The following TOR1AIP2 variants were observed in gnomAD, a reference collection of about 807,000 sequenced individuals.
TOR1AIP2 encodes the protein torsin-1A-interacting protein 2.
Under a neutral mutation model 32.6 loss-of-function variants are expected in TOR1AIP2, and 20 were observed. The observed-to-expected ratio is 0.61, with a 90% CI of 0.43 to 0.89. The LOEUF (loss-of-function observed/expected upper bound fraction) is 0.89, where lower values mean the gene tolerates loss of function less well. TOR1AIP2 is among the 40% of genes least tolerant of loss of function. The probability of loss-of-function intolerance (pLI) is 0.00; values close to 1 mark genes in which losing one functional copy is unlikely to be tolerated. For synonymous variants in TOR1AIP2, 214 were observed against 210.8 expected, an observed-to-expected ratio of 1.02 and a Z score of -0.13; for missense variants, 456 against 553.8, an observed-to-expected ratio of 0.82 and a Z score of 1.77.
Position 179,846,880 on chromosome 1 carries a change from A to G in TOR1AIP2, c.656-52T>C, listed in dbSNP as rs763035273. 7 of 1,514,630 alleles carry G rather than the reference A, an allele frequency of 4.6e-6. No individual in the cohort carries two copies. The African/African-American group carries it at 9.7e-5, about 21-fold the overall frequency. 93.8% of individuals were successfully genotyped at this position (1,514,630 alleles called of 1,614,324 possible). A position where few individuals can be genotyped will look rare whatever the true frequency, so the allele number is the denominator to read the frequency against. On this transcript the variant is annotated intron_variant, in intron 6 of 6. Transcript: ENST00000609928. The stretch of plus-strand genomic sequence containing the variant: ...AAAATTACAGAGAACACGAGCCAGA[A>G]ACAAAGCCTGTGGTAAACTGAAATG...
In TOR1AIP2 at chr1:179,846,579, C is replaced by T. The variant is rs754061455; in HGVS notation, c.905G>A (p.Arg302Gln). The T allele has an allele frequency of 7.4e-6, 12 of 1,614,024 alleles. No homozygotes were observed. The highest frequency in any genetic ancestry group is 1.6e-4 in the Middle Eastern group (1 of 6,080). The change falls in exon 7 of 7, where the codon CGG becomes CAG. Residue 302 changes from arginine to glutamine, a missense_variant. By Grantham distance (43) the Arg-to-Gln change is conservative (BLOSUM62 1). Transcript: ENST00000609928. ...EPATIIFTAA[R>Q]EGRETLKCLS... ...GCACTTCAGGGTCTCTCTTCCCTCC[C>T]GAGCTGCTGTAAATATGATGGTGGC...
intron 4 of TOR1AIP2, 85 bp from the exon 5 acceptor site, chr1:179,851,448 A>G (rs1296446095): frequency 9.6e-7 from 1 of 1,039,718 alleles, no homozygotes; most frequent in Admixed American, 3.5e-5. Context: ...TAATAATAAT[A>G]TTTACATAGA....
Position 179,864,103 on chromosome 1 carries a change from T to C in TOR1AIP2, c.-147+1333A>G, listed in dbSNP as rs1344272018. Reference sequence around the variant, plus strand: ...TTGTTTATGTAAAGCCACGTAAGTATGGACAGGTGGCATTTCTGCATGTTT... The same window carrying C: ...TTGTTTATGTAAAGCCACGTAAGTACGGACAGGTGGCATTTCTGCATGTTT... On this transcript the variant is annotated intron_variant, in intron 3 of 6. Coordinates refer to ENST00000609928, the MANE Select transcript of TOR1AIP2 (RefSeq NM_001199260.2). 5.1e-6 allele frequency: 5 copies of C among 985,460 alleles called. No individual in the cohort carries two copies. In the South Asian group the frequency reaches 1.4e-4, roughly 28 times the overall value. 61.0% of individuals were successfully genotyped at this position (985,460 alleles called of 1,614,324 possible).
rs1695801720 is a variant in TOR1AIP2, at chr1:179,843,772, G to C, written c.*2299C>G. 1 of 125,282 alleles carries C rather than the reference G, an allele frequency of 8.0e-6. No individual in the cohort carries two copies. Among genetic ancestry groups the C allele is most frequent in the Non-Finnish European group, 1.6e-5 (1 of 64,104 alleles). The allele number at this position is 125,282 out of a possible 1,614,324, so 7.8% of individuals were successfully genotyped here. On this transcript the variant is annotated 3_prime_UTR_variant, in exon 7 of 7. Coordinates refer to ENST00000609928, the MANE Select transcript of TOR1AIP2 (RefSeq NM_001199260.2). ...GGAGTTTAAAGCTACAGTGAGCTAT[G>C]ATCAAGCCACAGCACTGCAGCCTGG... is the stretch of plus-strand genomic sequence containing the variant.
At chr1:179,855,592 T>C (rs1417580468) in intron 3 of TOR1AIP2, among the ~76,000 whole-genome samples, 1 of 152,166 alleles carries the variant, frequency 6.6e-6, no homozygotes, top group Non-Finnish European at 1.5e-5. Context: ...AAACCCCTAA[T>C]GGCAATGAAG....
chr1:179,868,929 G>A (rs2794584), intron 2 of TOR1AIP2: 9,368 of 152,304 alleles, frequency 0.062, 368 homozygotes, highest in African/African-American at 0.1. Context: ...TGCAACCTCC[G>A]CCTCCTGAGT....
chr1:179,861,971 G>T (rs1256519726), intron 3 of TOR1AIP2: 2 of 983,996 alleles, frequency 2.0e-6, no homozygotes, highest in Non-Finnish European at 2.4e-6. Flanking sequence ...AGTAGCTGTG[G>T]TAACAGGTAC....
chr1:179,854,454 T>C (rs1051307244), intron 3 of TOR1AIP2, among the ~76,000 whole-genome samples: 1 of 152,214 alleles, frequency 6.6e-6, no homozygotes, highest in Non-Finnish European at 1.5e-5. Flanking sequence ...TTGATTATTG[T>C]TGGTTTCTAG....
Position 179,841,481 on chromosome 1 carries a change from C to T in TOR1AIP2, c.*4590G>A, listed in dbSNP as rs563232105. 6.6e-6 allele frequency: 1 copy of T among 152,320 alleles called. No homozygotes were observed. The highest frequency in any genetic ancestry group is 2.1e-4 in the South Asian group (1 of 4,828). The allele number at this position is 152,320 out of a possible 1,614,324, so 9.4% of individuals were successfully genotyped here. ...TTCATGTTGCTATTTGAAAGTACTT[C>T]TCAACTAGCCGGGCATGGTGGCATA... On this transcript the variant is annotated 3_prime_UTR_variant, in exon 7 of 7. Coordinates refer to ENST00000609928, the MANE Select transcript of TOR1AIP2 (RefSeq NM_001199260.2).
At chr1:179,864,891 C>T (rs766071482) in intron 3 of TOR1AIP2, 1 of 1,613,970 alleles carries the variant, frequency 6.2e-7, no homozygotes, top group South Asian at 1.1e-5. Context: ...CTTTTTCTAA[C>T]CAGTGGAGGA....
intron 2 of TOR1AIP2, chr1:179,873,897 G>C (rs892133462): frequency 6.6e-6 from 1 of 152,176 alleles, no homozygotes; most frequent in Non-Finnish European, 1.5e-5. Flanking sequence ...TTTCGACAAG[G>C]TCCCTAACTT....
chr1:179,866,549 G>A (rs1032049220), intron 2 of TOR1AIP2, among the ~76,000 whole-genome samples: 1 of 152,010 alleles, frequency 6.6e-6, no homozygotes, highest in African/African-American at 2.4e-5. Flanking sequence ...AGTATTACAG[G>A]TATGTGCCAC....
chr1:179,846,292 C>T lies in TOR1AIP2; in HGVS notation c.1192G>A (p.Val398Ile), dbSNP rs769925109. The change falls in exon 7 of 7, where the codon GTT becomes ATT. Residue 398 changes from valine (V) to isoleucine (I), a missense_variant. Physicochemically the swap from Val to Ile is conservative, Grantham distance 29. Coordinates refer to ENST00000609928, the MANE Select transcript of TOR1AIP2 (RefSeq NM_001199260.2). ...AFKDVALVLT[V>I]LLEEETLEAS... Reference sequence around the variant, plus strand: ...TCTAATGTTTCCTCCTCTAGCAGAACAGTCAGGACCAGGGCCACATCTTTA... The same window carrying T: ...TCTAATGTTTCCTCCTCTAGCAGAATAGTCAGGACCAGGGCCACATCTTTA... 8.1e-6 allele frequency: 13 copies of T among 1,614,200 alleles called. No homozygotes were observed. The Admixed American group carries it at 2.0e-4, about 25-fold the overall frequency.
chr1:179,862,351 C>CA (rs1696574650), intron 3 of TOR1AIP2: 1 of 985,144 alleles, frequency 1.0e-6, no homozygotes, highest in South Asian at 4.7e-5. Context: ...AGCACTCTCT[C>CA]AAAGTAAATT....
At chr1:179,864,420 C>CACT (rs2148447704) in intron 3 of TOR1AIP2, 1 of 998,476 alleles carries the variant, frequency 1.0e-6, no homozygotes, top group African/African-American at 1.7e-5. Flanking sequence ...TTAGAAATAC[C>CACT]ACTATGAAGC....
intron 3 of TOR1AIP2, chr1:179,864,903 C>G: frequency 6.2e-7 from 1 of 1,613,924 alleles, no homozygotes; most frequent in Non-Finnish European, 8.5e-7. Flanking sequence ...AGTGGAGGAC[C>G]CAGAAGAAAT....
intron 3 of TOR1AIP2, chr1:179,860,159 G>A (rs1696463670): frequency 1.0e-6 from 1 of 985,192 alleles, no homozygotes; most frequent in Admixed American, 6.2e-5. Context: ...TAATAATTCA[G>A]CCATCAGTTC....
Position 179,841,160 on chromosome 1 carries a change from T to C in TOR1AIP2, c.*4911A>G, listed in dbSNP as rs1193259841. 2.0e-5 allele frequency: 3 copies of C among 152,174 alleles called. No homozygotes were observed. The highest frequency in any genetic ancestry group is 7.2e-5 in the African/African-American group (3 of 41,450). 9.4% of individuals were successfully genotyped at this position (152,174 alleles called of 1,614,324 possible). ...TGCAAATATATTATTCAACCAAGCA[T>C]TTGCCATAAAGATAAGCATCAACTT... On this transcript the variant is annotated 3_prime_UTR_variant, in exon 7 of 7. Transcript: ENST00000609928.
At position 179,842,576 on chromosome 1, in the gene TOR1AIP2, AT is replaced by A. The variant is rs796242921; in HGVS notation, c.*3494del. 7 of 152,222 alleles carry A rather than the reference AT, an allele frequency of 4.6e-5. No homozygotes were observed. In the East Asian group the frequency reaches 1.2e-3, roughly 25 times the overall value. 9.4% of individuals were successfully genotyped at this position (152,222 alleles called of 1,614,324 possible). On this transcript the variant is annotated 3_prime_UTR_variant, in exon 7 of 7. Coordinates refer to ENST00000609928, the MANE Select transcript of TOR1AIP2 (RefSeq NM_001199260.2). ...TCTGGGATTACTCAAGAAGTAATTT[AT>A]ATTAATATACAGTGTAATGAAAGTT...
Sources: allele counts gnomAD v4.1 joint callset (sites outside exome capture counted in the v4.1 genomes callset), GRCh38; gene constraint gnomAD v4.1.1; transcripts MANE v1.5; gene names NCBI Gene and HGNC (gene_info 2026-07-23, HGNC 2026-07-21).